Variants in FOXP1 observed in about 807,000 individuals in gnomAD.
FOXP1 encodes forkhead box P1, also known as forkhead box protein P1.
FOXP1 carries 15 observed loss-of-function variants against 98.2 expected under a neutral mutation model. That is an observed-to-expected ratio of 0.15 (90% CI 0.10 to 0.24). The LOEUF (loss-of-function observed/expected upper bound fraction) is 0.24. Ranked by LOEUF, FOXP1 falls within the 10% of genes least tolerant of loss-of-function variation. The probability of loss-of-function intolerance (pLI) is 1.00; values close to 1 mark genes in which losing one functional copy is unlikely to be tolerated. For synonymous variants in FOXP1, 371 were observed against 314.5 expected (o/e 1.18, Z -1.90); for missense variants, 633 against 848.5 (o/e 0.75, Z 3.15).
chr3:71,405,683 T>C (rs7644606), intron 3 of FOXP1, among the ~76,000 whole-genome samples: 1,885 of 152,234 alleles, frequency 0.012, 44 homozygotes, highest in African/African-American at 0.043. Context: ...GCCAATTAAA[T>C]TGGAATGTCT....
Position 71,026,317 on chromosome 3 carries a change from C to T in FOXP1, c.870-10664G>A, listed in dbSNP as rs1029350391. 3.9e-5 allele frequency among the ~76,000 whole-genome samples: 6 copies of T among 152,126 alleles called. No homozygotes were observed. The East Asian group carries it at 7.7e-4, about 20-fold the overall frequency. ...CAGGGCAAACCTCACAACAATGGGG[C>T]GCATATTCAAACGACTCAAGTTTGG... On this transcript the variant is annotated intron_variant, in intron 11 of 20. Transcript: ENST00000649528.
intron 2 of FOXP1, among the ~76,000 whole-genome samples, chr3:71,515,464 A>G (rs1428116797): frequency 7.0e-6 from 1 of 142,254 alleles, no homozygotes. Context: ...CTGCACATTT[A>G]TACAGCTGAG....
chr3:71,231,108 T>C (rs1251652719), intron 5 of FOXP1, among the ~76,000 whole-genome samples: 1 of 152,256 alleles, frequency 6.6e-6, no homozygotes, highest in Non-Finnish European at 1.5e-5. Flanking sequence ...ATCATGTTTC[T>C]GCAGCTGACA....
chr3:71,068,611 G>C (rs1459891663), intron 7 of FOXP1, among the ~76,000 whole-genome samples: 1 of 152,162 alleles, frequency 6.6e-6, no homozygotes, highest in African/African-American at 2.4e-5. Flanking sequence ...CTTAATTCAA[G>C]TTTGCTGTCT....
chr3:71,438,774 A>T (rs942086571), intron 3 of FOXP1, among the ~76,000 whole-genome samples: 1 of 151,842 alleles, frequency 6.6e-6, no homozygotes, highest in African/African-American at 2.4e-5. Flanking sequence ...CCATAGATAC[A>T]AGCTTTTCAA....
chr3:71,464,883 C>T (rs1382428082), intron 3 of FOXP1, among the ~76,000 whole-genome samples: 2 of 152,358 alleles, frequency 1.3e-5, no homozygotes, highest in East Asian at 3.9e-4. Context: ...CTTCCCCTTA[C>T]ATAACCTCAT....
chr3:71,298,482 AAAAAAGAAAAAG>A (rs2073552918), intron 5 of FOXP1, among the ~76,000 whole-genome samples: 1 of 86,434 alleles, frequency 1.2e-5, no homozygotes, highest in Admixed American at 1.2e-4. Flanking sequence ...AAAAAAAAGA[AAAAAAGAAAAAG>A]AAAAAGAAAA....
chr3:71,276,779 G>A (rs2070941203), intron 5 of FOXP1, among the ~76,000 whole-genome samples: 1 of 151,908 alleles, frequency 6.6e-6, no homozygotes. Context: ...CTCCTTCTAG[G>A]TGTTTGAGAC....
chr3:71,477,622 T>C (rs2089958689), intron 3 of FOXP1, among the ~76,000 whole-genome samples: 1 of 152,218 alleles, frequency 6.6e-6, no homozygotes, highest in African/African-American at 2.4e-5. Context: ...TTGATTTCTA[T>C]TTCTCTTATG....
chr3:71,427,628 G>A (rs1262784233), intron 3 of FOXP1, among the ~76,000 whole-genome samples: 1 of 152,224 alleles, frequency 6.6e-6, no homozygotes, highest in African/African-American at 2.4e-5. Context: ...TATCACAATT[G>A]TATGGACAAA....
chr3:71,546,380 C>CA (rs1246647167), intron 2 of FOXP1, among the ~76,000 whole-genome samples: 2 of 152,156 alleles, frequency 1.3e-5, no homozygotes, highest in African/African-American at 4.8e-5. Context: ...GTGTGACCCA[C>CA]AAAACCGAAG....
At chr3:71,273,010 A>C (rs1419982172) in intron 5 of FOXP1, among the ~76,000 whole-genome samples, 2 of 152,074 alleles carry the variant, frequency 1.3e-5, no homozygotes. Context: ...ACTATACATG[A>C]ATTAGGACTA....
At chr3:71,211,753 A>C (rs980774655) in intron 5 of FOXP1, among the ~76,000 whole-genome samples, 1 of 152,172 alleles carries the variant, frequency 6.6e-6, no homozygotes, top group African/African-American at 2.4e-5. Context: ...GAATCTCAGA[A>C]AGGTTGTGGC....
chr3:71,326,075 A>G (rs1482359541), intron 4 of FOXP1, among the ~76,000 whole-genome samples: 3 of 152,200 alleles, frequency 2.0e-5, no homozygotes, highest in Admixed American at 1.3e-4. Flanking sequence ...TCAAGTAGAA[A>G]AAAAAAGCCA....
chr3:71,433,616 C>A (rs1480342360), intron 3 of FOXP1, among the ~76,000 whole-genome samples: 6 of 152,156 alleles, frequency 3.9e-5, no homozygotes, highest in Non-Finnish European at 7.4e-5. Flanking sequence ...GCATGCTATA[C>A]AAACAGAATA....
At chr3:71,158,727 CAAA>C (rs71104421) in intron 6 of FOXP1, among the ~76,000 whole-genome samples, 31 of 113,010 alleles carry the variant, frequency 2.7e-4, no homozygotes, top group Non-Finnish European at 2.6e-4. Context: ...GCCCACAGAC[CAAA>C]AAAAAAAAAA....
chr3:71,561,834 T>C (rs1256781891), intron 2 of FOXP1, among the ~76,000 whole-genome samples: 1 of 152,208 alleles, frequency 6.6e-6, no homozygotes, highest in African/African-American at 2.4e-5. Context: ...CTTAGGAAAT[T>C]CCAAAGATGC....
At chr3:71,035,948 A>T (rs1262254655) in intron 11 of FOXP1, among the ~76,000 whole-genome samples, 1 of 152,230 alleles carries the variant, frequency 6.6e-6, no homozygotes, top group Non-Finnish European at 1.5e-5. Context: ...AAGAGCACTG[A>T]CATTTATTCA....
intron 6 of FOXP1, among the ~76,000 whole-genome samples, chr3:71,156,182 G>C (rs2060813856): frequency 6.6e-6 from 1 of 152,198 alleles, no homozygotes. Context: ...CAGCTCCAGG[G>C]GGAGGGGGGG....
Sources: allele counts gnomAD v4.1 joint callset (sites outside exome capture counted in the v4.1 genomes callset), GRCh38; gene constraint gnomAD v4.1.1; transcripts MANE v1.5; gene names NCBI Gene and HGNC (gene_info 2026-07-23, HGNC 2026-07-21).